The following SPHKAP variants were observed in gnomAD, a reference collection of about 807,000 sequenced individuals.
The protein encoded by SPHKAP is SPHK1 interactor, AKAP domain containing, also known as A-kinase anchor protein SPHKAP.
Under a neutral mutation model 137.5 loss-of-function variants are expected in SPHKAP, and 67 were observed. That is an observed-to-expected ratio of 0.49 (90% CI 0.40 to 0.60). The LOEUF (loss-of-function observed/expected upper bound fraction) is 0.60, where lower values mean the gene tolerates loss of function less well. Among genes scored for constraint, SPHKAP ranks in the 20% least tolerant of loss-of-function variants. The probability of loss-of-function intolerance (pLI) is 0.00; values close to 1 mark genes in which losing one functional copy is unlikely to be tolerated. For missense variants in SPHKAP, 2,097 were observed against 2,069.3 expected (o/e 1.01, Z -0.26); for synonymous variants, 813 against 785.3 (o/e 1.04, Z -0.59).
intron 3 of SPHKAP, among the ~76,000 whole-genome samples, chr2:228,067,642 T>A (rs1696869567): frequency 6.6e-6 from 1 of 152,208 alleles, no homozygotes; most frequent in African/African-American, 2.4e-5. Context: ...CTCTGTTTTC[T>A]CTTTTTTATA....
chr2:228,094,051 A>C (rs1697904600), intron 3 of SPHKAP, among the ~76,000 whole-genome samples: 1 of 152,098 alleles, frequency 6.6e-6, no homozygotes, highest in Non-Finnish European at 1.5e-5. Context: ...AATAACCAAC[A>C]ATCTAAATAT....
At chr2:228,062,878 C>G (rs1420521891) in intron 3 of SPHKAP, among the ~76,000 whole-genome samples, 2 of 152,080 alleles carry the variant, frequency 1.3e-5, no homozygotes, top group African/African-American at 4.8e-5. Context: ...ATAACTGGTG[C>G]TATTGCAGAA....
At chr2:228,068,606 T>G (rs1232328453) in intron 3 of SPHKAP, among the ~76,000 whole-genome samples, 1 of 152,178 alleles carries the variant, frequency 6.6e-6, no homozygotes, top group Non-Finnish European at 1.5e-5. Context: ...GAGAGTCTCT[T>G]TAATAAATGG....
At chr2:228,009,046 C>A (rs1694256669) in intron 7 of SPHKAP, among the ~76,000 whole-genome samples, 1 of 152,128 alleles carries the variant, frequency 6.6e-6, no homozygotes, top group South Asian at 2.1e-4. Context: ...TGTAATGAAT[C>A]TATAGATTCA....
intron 9 of SPHKAP, chr2:227,991,646 C>G: frequency 8.1e-6 from 8 of 985,410 alleles, no homozygotes; most frequent in Non-Finnish European, 9.6e-6. Context: ...TAGGTTTAAA[C>G]AATGAAAGAG....
intron 3 of SPHKAP, among the ~76,000 whole-genome samples, chr2:228,099,002 G>A (rs1368944721): frequency 6.6e-6 from 1 of 152,022 alleles, no homozygotes; most frequent in Non-Finnish European, 1.5e-5. Context: ...TTTGTTTATA[G>A]TCTCTTTTTC....
At chr2:228,040,806 T>C (rs1444889382) in intron 3 of SPHKAP, among the ~76,000 whole-genome samples, 1 of 152,244 alleles carries the variant, frequency 6.6e-6, no homozygotes, top group African/African-American at 2.4e-5. Context: ...TTAGTGTTAT[T>C]GTCTTAGACA....
In SPHKAP at chr2:228,020,074, G is replaced by A. The variant is rs1694779994; in HGVS notation, c.780C>T (p.Asn260=). 1 of 1,614,004 alleles carries A rather than the reference G, an allele frequency of 6.2e-7. No individual in the cohort carries two copies. The highest frequency in any genetic ancestry group is 1.3e-5 in the African/African-American group (1 of 74,932). Reference sequence around the variant, plus strand: ...CCAAAGCATAAAGCCACTTTTCCTTGTTGCAATTCCATTCCACCTGGGTGG... The same window carrying A: ...CCAAAGCATAAAGCCACTTTTCCTTATTGCAATTCCATTCCACCTGGGTGG... ...KGATQVEWNC[N]KEKWLYALED... Residue 260 remains asparagine (N), a synonymous_variant, in exon 7 of 12, where the codon AAC becomes AAT. Coordinates refer to ENST00000392056, the MANE Select transcript of SPHKAP (RefSeq NM_001142644.2).
At chr2:228,000,943 A>G (rs1693833162) in intron 7 of SPHKAP, among the ~76,000 whole-genome samples, 1 of 152,100 alleles carries the variant, frequency 6.6e-6, no homozygotes, top group Non-Finnish European at 1.5e-5. Flanking sequence ...GAGTATCTTT[A>G]GTTTTGTAAA....
rs2396519 is a variant in SPHKAP, at chr2:228,016,598, C to T, written c.4256G>A (p.Arg1419Gln). ...QDPVPINHKR[R>Q]SLCSREVPLI... ...AGGCACTTCCCTCGAGCAAAGTGAT[C>T]GCCTTTTGTGGTTTATTGGTACAGG... Residue 1419 changes from arginine to glutamine, a missense_variant, in exon 7 of 12, where the codon CGA becomes CAA. By Grantham distance (43) the Arg-to-Gln change is conservative. Transcript: ENST00000392056. 18 of 1,613,844 alleles carry T rather than the reference C, an allele frequency of 1.1e-5. No individual in the cohort carries two copies. The highest frequency in any genetic ancestry group is 5.5e-5 in the South Asian group (5 of 91,060).
intron 3 of SPHKAP, among the ~76,000 whole-genome samples, chr2:228,057,776 G>A (rs529081379): frequency 6.6e-6 from 1 of 152,238 alleles, no homozygotes; most frequent in African/African-American, 2.4e-5. Context: ...GGGATGAACA[G>A]GTTTCAGATT....
intron 3 of SPHKAP, among the ~76,000 whole-genome samples, chr2:228,103,416 AGTAGGTCCCTTCTGCACCCAC>A (rs1698236017): frequency 6.6e-6 from 1 of 152,336 alleles, no homozygotes; most frequent in African/African-American, 2.4e-5. Flanking sequence ...AAGCCTCCCA[AGTAGGTCCCTTCTGCACCCAC>A]GTAAGGGGGA....
At chr2:228,155,937 A>G (rs1700096131) in intron 1 of SPHKAP, among the ~76,000 whole-genome samples, 1 of 152,226 alleles carries the variant, frequency 6.6e-6, no homozygotes, top group African/African-American at 2.4e-5. Context: ...GTTGTAGCTC[A>G]GGGAGAAATC....
chr2:228,121,411 G>C (rs12987531), intron 2 of SPHKAP, among the ~76,000 whole-genome samples: 1 of 152,172 alleles, frequency 6.6e-6, no homozygotes, highest in South Asian at 2.1e-4. Context: ...AGCTACTCAG[G>C]AGGCTGAGGT....
chr2:228,001,940 G>C (rs1338774714), intron 7 of SPHKAP, among the ~76,000 whole-genome samples: 1 of 152,096 alleles, frequency 6.6e-6, no homozygotes, highest in African/African-American at 2.4e-5. Flanking sequence ...TAGTGTATAT[G>C]TGCCACATTT....
chr2:228,122,947 C>T (rs1407843715), intron 2 of SPHKAP, among the ~76,000 whole-genome samples: 1 of 152,148 alleles, frequency 6.6e-6, no homozygotes, highest in Non-Finnish European at 1.5e-5. Flanking sequence ...CACTCATAAA[C>T]ATCTTAGCCT....
At chr2:228,003,011 A>G (rs1693969523) in intron 7 of SPHKAP, among the ~76,000 whole-genome samples, 1 of 152,210 alleles carries the variant, frequency 6.6e-6, no homozygotes, top group African/African-American at 2.4e-5. Flanking sequence ...TGATGCCTCC[A>G]GCTTTGTTCT....
chr2:228,000,342 G>A lies in SPHKAP; in HGVS notation c.4449-4648C>T, dbSNP rs181841719. ...TAAAAATACAAAAATTAGTCGGCCG[G>A]GCACGGTGGCTCACGTCTGTAATCC... On this transcript the variant is annotated intron_variant, in intron 7 of 11. Coordinates refer to ENST00000392056, the MANE Select transcript of SPHKAP (RefSeq NM_001142644.2). Among the ~76,000 whole-genome samples the A allele has an allele frequency of 2.9e-3, 442 of 152,272 alleles. 3 individuals carry two copies. The highest frequency in any genetic ancestry group is 6.8e-3 in the Middle Eastern group (2 of 294).
At chr2:228,116,434 C>G (rs1002558467) in intron 2 of SPHKAP, among the ~76,000 whole-genome samples, 1 of 152,126 alleles carries the variant, frequency 6.6e-6, no homozygotes, top group African/African-American at 2.4e-5. Context: ...TTTCTACTCA[C>G]AGTGAGGAAT....
Sources: allele counts gnomAD v4.1 joint callset (sites outside exome capture counted in the v4.1 genomes callset), GRCh38; gene constraint gnomAD v4.1.1; transcripts MANE v1.5; gene names NCBI Gene and HGNC (gene_info 2026-07-23, HGNC 2026-07-21).